Variants in FOXN3 observed in about 807,000 individuals in gnomAD.
The protein encoded by FOXN3 is forkhead box N3.
A neutral mutation model predicts 38.4 loss-of-function variants in FOXN3; 7 were observed. The observed-to-expected ratio is 0.18, with a 90% confidence interval of 0.10 to 0.34. The LOEUF (loss-of-function observed/expected upper bound fraction) is 0.34. FOXN3 is among the 10% of genes least tolerant of loss of function. FOXN3 has a pLI of 1.00. For synonymous variants in FOXN3, 230 were observed against 242.2 expected, an observed-to-expected ratio of 0.95 and a Z score of 0.47; for missense variants, 456 against 613.4, an observed-to-expected ratio of 0.74 and a Z score of 2.71.
intron 3 of FOXN3, among the ~76,000 whole-genome samples, chr14:89,302,357 C>T (rs17125641): frequency 0.014 from 2,122 of 152,260 alleles, 42 homozygotes; most frequent in African/African-American, 0.048. Flanking sequence ...AATGTGGTAG[C>T]ACACCATGCC....
chr14:89,241,570 T>C (rs1054292649), intron 4 of FOXN3, among the ~76,000 whole-genome samples: 2 of 152,100 alleles, frequency 1.3e-5, no homozygotes, highest in Non-Finnish European at 2.9e-5. Context: ...TAAAGCGGAG[T>C]GCCTCAGGAA....
chr14:89,215,465 A>G (rs1884246128), intron 4 of FOXN3, among the ~76,000 whole-genome samples: 2 of 152,116 alleles, frequency 1.3e-5, no homozygotes, highest in African/African-American at 4.8e-5. Context: ...TAATTTTCAC[A>G]TCATTATATA....
chr14:89,199,554 T>C (rs950267372), intron 4 of FOXN3, among the ~76,000 whole-genome samples: 2 of 151,932 alleles, frequency 1.3e-5, no homozygotes, highest in Non-Finnish European at 2.9e-5. Context: ...ATGATCTAAT[T>C]AAGTTGGTAG....
intron 4 of FOXN3, among the ~76,000 whole-genome samples, chr14:89,252,920 G>A (rs967357461): frequency 2.0e-5 from 3 of 152,124 alleles, no homozygotes; most frequent in Admixed American, 1.3e-4. Flanking sequence ...CCAAAGGGTG[G>A]GTAGATTCAG....
At chr14:89,566,407 G>A (rs570792631) in intron 1 of FOXN3, among the ~76,000 whole-genome samples, 18 of 151,826 alleles carry the variant, frequency 1.2e-4, no homozygotes, top group African/African-American at 4.4e-4. Flanking sequence ...ATTTTATCAC[G>A]GATTTCTTTA....
chr14:89,243,856 G>A (rs1056849839), intron 4 of FOXN3, among the ~76,000 whole-genome samples: 13 of 152,178 alleles, frequency 8.5e-5, no homozygotes, highest in Non-Finnish European at 1.8e-4. Flanking sequence ...ACATAGCTGC[G>A]TCTGCATCGC....
At chr14:89,374,714 G>A (rs1364076781) in intron 2 of FOXN3, among the ~76,000 whole-genome samples, 1 of 152,144 alleles carries the variant, frequency 6.6e-6, no homozygotes, top group Non-Finnish European at 1.5e-5. Flanking sequence ...GCTCATGCCT[G>A]TAATCCCAGC....
chr14:89,252,897 G>A (rs1020591002), intron 4 of FOXN3, among the ~76,000 whole-genome samples: 5 of 152,140 alleles, frequency 3.3e-5, no homozygotes, highest in Non-Finnish European at 7.4e-5. Context: ...CAACATGGCG[G>A]GTAGGTACTG....
chr14:89,273,632 G>A (rs1886218272), intron 4 of FOXN3, among the ~76,000 whole-genome samples: 1 of 152,162 alleles, frequency 6.6e-6, no homozygotes, highest in Non-Finnish European at 1.5e-5. Context: ...GCATTTCCTT[G>A]TATTTTTAAA....
At chr14:89,405,110 A>G (rs532355822) in intron 2 of FOXN3, among the ~76,000 whole-genome samples, 6 of 152,120 alleles carry the variant, frequency 3.9e-5, no homozygotes, top group Non-Finnish European at 8.8e-5. Context: ...GCTGACACAT[A>G]GAGGTGCAAC....
chr14:89,351,257 G>A (rs921756037), intron 2 of FOXN3: 1 of 152,082 alleles, frequency 6.6e-6, no homozygotes, highest in African/African-American at 2.4e-5. Context: ...ATATGACATC[G>A]GGATCATTTT....
chr14:89,204,505 T>C (rs138219503), intron 4 of FOXN3, among the ~76,000 whole-genome samples: 27 of 152,352 alleles, frequency 1.8e-4, no homozygotes, highest in African/African-American at 6.5e-4. Flanking sequence ...AATCAAATGC[T>C]TGGTATTTTT....
chr14:89,256,092 C>T (rs531702617), intron 4 of FOXN3, among the ~76,000 whole-genome samples: 6 of 152,284 alleles, frequency 3.9e-5, no homozygotes, highest in East Asian at 3.9e-4. Context: ...CTGGTGCCAG[C>T]GGGTCAGAAT....
chr14:89,196,279 T>C (rs563844709), intron 4 of FOXN3, among the ~76,000 whole-genome samples: 1 of 152,318 alleles, frequency 6.6e-6, no homozygotes, highest in African/African-American at 2.4e-5. Context: ...AAGAAAAATA[T>C]TGAGCCTCAG....
At chr14:89,325,245 C>CAACACCA (rs1360087750) in intron 3 of FOXN3, among the ~76,000 whole-genome samples, 1 of 127,464 alleles carries the variant, frequency 7.8e-6, no homozygotes, top group African/African-American at 3.7e-5. Flanking sequence ...CTACCACCAC[C>CAACACCA]ACGACCACCA....
At chr14:89,581,893 G>C (rs1323766827) in intron 1 of FOXN3, among the ~76,000 whole-genome samples, 1 of 152,160 alleles carries the variant, frequency 6.6e-6, no homozygotes, top group Non-Finnish European at 1.5e-5. Flanking sequence ...TCCTAAAAAA[G>C]TCTGAGTTGG....
rs1893405239 is a variant in FOXN3, at chr14:89,484,507, C to G, written c.-14-72017G>C. ...ATTTTATTCTTTTAATTTTTCCCAA[C>G]CACTGAAAAATGTGAAAACCATTCT... is the stretch of plus-strand genomic sequence containing the variant. On this transcript the variant is annotated intron_variant, in intron 1 of 6. Coordinates refer to the FOXN3 transcript ENST00000345097. This position sits in a 1 kb window ranked among gnomAD's most constrained non-coding sequence, Gnocchi z 4.0. Among the ~76,000 whole-genome samples, 1 of 152,330 alleles carries G rather than the reference C, an allele frequency of 6.6e-6. No homozygotes were observed. Among genetic ancestry groups the G allele is most frequent in the East Asian group, 1.9e-4 (1 of 5,188 alleles).
At chr14:89,285,962 A>T (rs1886617144) in intron 3 of FOXN3, among the ~76,000 whole-genome samples, 1 of 150,584 alleles carries the variant, frequency 6.6e-6, no homozygotes, top group Non-Finnish European at 1.5e-5. Flanking sequence ...CAGCTCCTGG[A>T]CTCAAGCAAT....
intron 2 of FOXN3, among the ~76,000 whole-genome samples, chr14:89,392,241 C>A (rs1344566076): frequency 6.6e-6 from 1 of 152,196 alleles, no homozygotes. Flanking sequence ...CTCTCTGGAT[C>A]GTTCCCTCCT....
Sources: allele counts gnomAD v4.1 joint callset (sites outside exome capture counted in the v4.1 genomes callset), GRCh38; gene constraint gnomAD v4.1.1; non-coding constraint Gnocchi (gnomAD v3.1); transcripts MANE v1.5; gene names NCBI Gene and HGNC (gene_info 2026-07-23, HGNC 2026-07-21).